Variants in ANKS6 observed in about 807,000 individuals in gnomAD.
ANKS6 encodes ankyrin repeat and SAM domain-containing protein 6.
In ANKS6, 47 loss-of-function variants were observed where a neutral mutation model predicts 77.9. The ratio of observed to expected loss-of-function variants is 0.60; its 90% CI spans 0.48 to 0.77. ANKS6 has a LOEUF of 0.77. Ranked by LOEUF, ANKS6 falls within the 30% of genes least tolerant of loss-of-function variation. The pLI, the probability that ANKS6 is intolerant of heterozygous loss-of-function variation, is 0.00. For synonymous variants in ANKS6, 488 were observed against 501.7 expected, an observed-to-expected ratio of 0.97 and a Z score of 0.37; for missense variants, 1,150 against 1,159.1, an observed-to-expected ratio of 0.99 and a Z score of 0.11.
intron 7 of ANKS6, 32 bp downstream of exon 7, chr9:98,778,194 A>C: frequency 1.9e-6 from 3 of 1,612,288 alleles, no homozygotes; most frequent in Non-Finnish European, 2.5e-6. Context: ...GACCATTCCA[A>C]AAATTCTACT....
In ANKS6 at chr9:98,735,653, G is replaced by A. The variant is rs947917581; in HGVS notation, c.*866C>T. 2.4e-6 allele frequency: 3 copies of A among 1,231,640 alleles called. No individual in the cohort carries two copies. The highest frequency in any genetic ancestry group is 3.0e-6 in the Non-Finnish European group (3 of 987,986). The allele number at this position is 1,231,640 out of a possible 1,614,324, so 76.3% of individuals were successfully genotyped here. On this transcript the variant is annotated 3_prime_UTR_variant, in exon 15 of 15. Coordinates refer to ENST00000353234, the MANE Select transcript of ANKS6 (RefSeq NM_173551.5). ...CCCTGCAGTGATACAGGTGAGCACT[G>A]TGGAGTACCAGAGCATCATCTGGTC...
intron 10 of ANKS6, among the ~76,000 whole-genome samples, chr9:98,769,579 A>T (rs1165908058): frequency 1.3e-5 from 2 of 152,260 alleles, no homozygotes; most frequent in Non-Finnish European, 2.9e-5. Flanking sequence ...AGGTGCTCAC[A>T]ATCTAGCAAT....
In ANKS6 at chr9:98,732,743, A is replaced by G. The variant is rs1831269646; in HGVS notation, c.*3776T>C. 1 of 1,431,278 alleles carries G rather than the reference A, an allele frequency of 7.0e-7. No homozygotes were observed. The highest frequency in any genetic ancestry group is 9.1e-7 in the Non-Finnish European group (1 of 1,096,648). 88.7% of individuals were successfully genotyped at this position (1,431,278 alleles called of 1,614,324 possible). A position where few individuals can be genotyped will look rare whatever the true frequency, so the allele number is the denominator to read the frequency against. ...AGGGAAACTGGGACTCAAAGGGAAG[A>G]AGAAACGTGCTCAACATCACGCAGC... On this transcript the variant is annotated 3_prime_UTR_variant, in exon 15 of 15. Coordinates refer to ENST00000353234, the MANE Select transcript of ANKS6 (RefSeq NM_173551.5).
chr9:98,736,423 G>A lies in ANKS6; in HGVS notation c.*96C>T, dbSNP rs1032708655. 5 of 1,462,458 alleles carry A rather than the reference G, an allele frequency of 3.4e-6. No individual in the cohort carries two copies. The African/African-American group carries it at 7.1e-5, about 21-fold the overall frequency. 90.6% of individuals were successfully genotyped at this position (1,462,458 alleles called of 1,614,324 possible). On this transcript the variant is annotated 3_prime_UTR_variant, in exon 15 of 15. Coordinates refer to ENST00000353234, the MANE Select transcript of ANKS6 (RefSeq NM_173551.5). Reference sequence around the variant, plus strand: ...CGAGCAAAGGGAACAACATGACTAAGGCACAGCAGTGTGACGGGGGCAGGG... The same window carrying A: ...CGAGCAAAGGGAACAACATGACTAAAGCACAGCAGTGTGACGGGGGCAGGG...
In ANKS6 at chr9:98,736,402, C is replaced by G; in HGVS notation, c.*117G>C. 3.5e-6 allele frequency: 5 copies of G among 1,438,686 alleles called. No individual in the cohort carries two copies. The highest frequency in any genetic ancestry group is 4.6e-6 in the Non-Finnish European group (5 of 1,096,882). The allele number at this position is 1,438,686 out of a possible 1,614,324, so 89.1% of individuals were successfully genotyped here. On this transcript the variant is annotated 3_prime_UTR_variant, in exon 15 of 15. Transcript: ENST00000353234. ...GTCGACGTGAAGTGGGCATCCCGAG[C>G]AAAGGGAACAACATGACTAAGGCAC... is the stretch of plus-strand genomic sequence containing the variant.
Position 98,780,260 on chromosome 9 carries a change from G to T in ANKS6, c.1297C>A (p.Pro433Thr), listed in dbSNP as rs1376793088. 5 of 1,613,752 alleles carry T rather than the reference G, an allele frequency of 3.1e-6. No individual in the cohort carries two copies. The highest frequency in any genetic ancestry group is 3.3e-4 in the Middle Eastern group (2 of 6,058). ...TGTCGGACCTTCGAGTGGGGCAGGG[G>T]AGGCTGGTGGCTCGGCCGGCCTTTG... ...KDKGRPSHQPPLPHSKVRQPW... is the reference protein window; with the variant it reads ...KDKGRPSHQPTLPHSKVRQPW... The change falls in exon 6 of 15, where the codon CCC (proline) becomes ACC (threonine). Residue 433 changes from proline (P) to threonine (T), a missense_variant. Transcript: ENST00000353234.
At position 98,768,150 on chromosome 9, in the gene ANKS6, C is replaced by G. The variant is rs560566435; in HGVS notation, c.2073G>C (p.Gly691=). The change falls in exon 11 of 15, where the codon GGG becomes GGC. Residue 691 remains glycine, a synonymous_variant. Coordinates refer to ENST00000353234, the MANE Select transcript of ANKS6 (RefSeq NM_173551.5). ...QKPSHRSSPV[G]PAPGSSPSEL... ...CAGACGGGCTGGACCCCGGTGCTGG[C>G]CCCACAGGGCTTGACCGATGGCTGG... 4.2e-5 allele frequency: 68 copies of G among 1,613,714 alleles called. No homozygotes were observed. The highest frequency in any genetic ancestry group is 5.4e-5 in the Non-Finnish European group (64 of 1,179,988).
In ANKS6 at chr9:98,769,577, A is replaced by C. The variant is rs540569877; in HGVS notation, c.1972+1319T>G. On this transcript the variant is annotated intron_variant, in intron 10 of 14. Coordinates refer to ENST00000353234, the MANE Select transcript of ANKS6 (RefSeq NM_173551.5). Reference sequence around the variant, plus strand: ...TATGTATCAACATAAAAAGGTGCTCACAATCTAGCAATGTGAGGAAAAAGA... The same window carrying C: ...TATGTATCAACATAAAAAGGTGCTCCCAATCTAGCAATGTGAGGAAAAAGA... 5.9e-5 allele frequency among the ~76,000 whole-genome samples: 9 copies of C among 152,360 alleles called. No individual in the cohort carries two copies. The East Asian group carries it at 1.7e-3, about 29-fold the overall frequency.
At chr9:98,738,389 G>GA (rs1251520516) in intron 14 of ANKS6, among the ~76,000 whole-genome samples, 1 of 151,618 alleles carries the variant, frequency 6.6e-6, no homozygotes. Context: ...AAATCAACAA[G>GA]AAAAAAACAA....
intron 7 of ANKS6, 84 bp from the exon 8 acceptor site, chr9:98,777,538 T>C: frequency 4.6e-6 from 6 of 1,291,124 alleles, no homozygotes; most frequent in Non-Finnish European, 6.7e-6. Context: ...GGCTTCAACC[T>C]GGAAAACCAA....
chr9:98,761,240 A>G (rs551173694), intron 11 of ANKS6, among the ~76,000 whole-genome samples: 1 of 152,158 alleles, frequency 6.6e-6, no homozygotes, highest in African/African-American at 2.4e-5. Flanking sequence ...TTATTATTGA[A>G]TTGAGGGTTC....
chr9:98,780,389 AAGG>A (rs769028052), intron 5 of ANKS6, 52 bp from the exon 6 acceptor site: 689 of 1,522,388 alleles, frequency 4.5e-4, no homozygotes, highest in Non-Finnish European at 5.7e-4. Context: ...GTTGGGCCAT[AAGG>A]AGAAGACTCA....
In ANKS6 at chr9:98,732,127, C is replaced by T. The variant is rs528279227; in HGVS notation, c.*4392G>A. ...TGCTAGGAATGGACAAGGACAGCGACAGGATGGTGCTTCACAGTGCCTCCT... is the reference window on the plus strand; with the variant it reads ...TGCTAGGAATGGACAAGGACAGCGATAGGATGGTGCTTCACAGTGCCTCCT... On this transcript the variant is annotated 3_prime_UTR_variant, in exon 15 of 15. Coordinates refer to ENST00000353234, the MANE Select transcript of ANKS6 (RefSeq NM_173551.5). 5.2e-4 allele frequency: 135 copies of T among 260,068 alleles called. 3 individuals are homozygous for T. The South Asian group carries it at 8.1e-3, about 16-fold the overall frequency. The allele number at this position is 260,068 out of a possible 1,614,324, so 16.1% of individuals were successfully genotyped here.
intron 13 of ANKS6, among the ~76,000 whole-genome samples, chr9:98,746,899 G>C (rs1659881526): frequency 6.6e-6 from 1 of 152,186 alleles, no homozygotes; most frequent in Non-Finnish European, 1.5e-5. Flanking sequence ...TGGGAGATGG[G>C]ACAAAGAACT....
intron 11 of ANKS6, among the ~76,000 whole-genome samples, chr9:98,758,197 A>C (rs577556610): frequency 1.6e-4 from 24 of 151,898 alleles, no homozygotes; most frequent in Non-Finnish European, 2.9e-4. Context: ...GTACAGGCTC[A>C]TGGGTATTTT....
rs1409754762 is a variant in ANKS6, at chr9:98,750,417, T to C, written c.2394+612A>G. Among the ~76,000 whole-genome samples the C allele has an allele frequency of 3.4e-4, 52 of 152,226 alleles. 1 individual carries two copies. The highest frequency in any genetic ancestry group is 3.4e-3 in the Admixed American group (52 of 15,286). ...AGGCATATTTTATTTATCCATTCAT[T>C]AGTCGATGGACATTTGGGTCGTATC... On this transcript the variant is annotated intron_variant, in intron 13 of 14. Transcript: ENST00000353234.
chr9:98,783,939 G>A lies in ANKS6; in HGVS notation c.1112+14C>T, dbSNP rs1834416517. On this transcript the variant is annotated intron_variant, in intron 4 of 14. Coordinates refer to ENST00000353234, the MANE Select transcript of ANKS6 (RefSeq NM_173551.5). ...GTCTGGCCTTGTCGCTGAGGGCGTG[G>A]GGCTGGCACTGACCCATGGTAGGTT... The A allele has an allele frequency of 6.5e-7, 1 of 1,549,120 alleles. No individual in the cohort carries two copies. Among genetic ancestry groups the A allele is most frequent in the East Asian group, 2.4e-5 (1 of 42,166 alleles).
chr9:98,748,249 C>T (rs1286444808), intron 13 of ANKS6, among the ~76,000 whole-genome samples: 1 of 152,202 alleles, frequency 6.6e-6, no homozygotes, highest in Non-Finnish European at 1.5e-5. Flanking sequence ...CCAATTCTGA[C>T]CTCCGTCAAC....
chr9:98,787,160 GCTC>G (rs1834618006), intron 2 of ANKS6, among the ~76,000 whole-genome samples: 1 of 152,146 alleles, frequency 6.6e-6, no homozygotes, highest in South Asian at 2.1e-4. Flanking sequence ...AAGAGCTGGG[GCTC>G]CTATTATTTA....
Sources: allele counts gnomAD v4.1 joint callset (sites outside exome capture counted in the v4.1 genomes callset), GRCh38; gene constraint gnomAD v4.1.1; transcripts MANE v1.5; gene names NCBI Gene and HGNC (gene_info 2026-07-23, HGNC 2026-07-21).